CFAP97D1: variants seen among roughly 807,000 people sequenced by gnomAD.
CFAP97D1 encodes the protein CFAP97 domain containing 1.
A neutral mutation model predicts 20.5 loss-of-function variants in CFAP97D1; 15 were observed. The ratio of observed to expected loss-of-function variants is 0.73; its 90% CI spans 0.49 to 1.13. The LOEUF (loss-of-function observed/expected upper bound fraction) is 1.13. Among genes scored for constraint, CFAP97D1 ranks in the 50% most tolerant of loss-of-function variants. The probability of loss-of-function intolerance (pLI) is 0.00; values close to 1 mark genes in which losing one functional copy is unlikely to be tolerated. For synonymous variants in CFAP97D1, 58 were observed against 71.2 expected, an observed-to-expected ratio of 0.82 and a Z score of 0.93; for missense variants, 168 against 202.9, an observed-to-expected ratio of 0.83 and a Z score of 1.04.
chr17:43,781,929 CA>C (rs1567785096), intron 3 of CFAP97D1, 37 bp downstream of exon 3: 1 of 1,385,096 alleles, frequency 7.2e-7, no homozygotes, highest in Non-Finnish European at 1.0e-6. Context: ...TTTGAAAAGT[CA>C]AAATTGACTT....
chr17:43,783,186 CAG>C lies in CFAP97D1; in HGVS notation c.325_326del (p.Glu109AsnfsTer22). 1 of 1,551,560 alleles carries C rather than the reference CAG, an allele frequency of 6.4e-7. No individual in the cohort carries two copies. Among genetic ancestry groups the C allele is most frequent in the Non-Finnish European group, 8.7e-7 (1 of 1,146,914 alleles). The stretch of plus-strand genomic sequence containing the variant: ...GGGGTTTTGTGTTTTTCAGCTTAAA[CAG>C]AGAAACAAGGAACCGCGAGCTAGTG... ...WNEYFSKSLNRETRNRELVRI... is the reference protein window; with the variant it reads ...WNEYFSKSLNXETRNRELVRI... On this transcript the variant is annotated frameshift_variant, in exon 4 of 6. Coordinates refer to ENST00000449302, the MANE Select transcript of CFAP97D1 (RefSeq NM_001136483.3). LOFTEE classifies it high-confidence loss of function.
intron 2 of CFAP97D1, 27 bp from the exon 3 acceptor site, chr17:43,781,747 C>T (rs370228958): frequency 1.4e-6 from 2 of 1,409,316 alleles, no homozygotes; most frequent in Non-Finnish European, 2.0e-6. Context: ...GATGGTGTCA[C>T]CATGGTGAGG....
In CFAP97D1 at chr17:43,781,757, G is replaced by A. The variant is rs1974476933; in HGVS notation, c.196-17G>A. On this transcript the variant is annotated splice_polypyrimidine_tract_variant and intron_variant, in intron 2 of 5. Transcript: ENST00000449302. ...GCACTGATGGTGTCACCATGGTGAGGTGTGGTTTCTTACCAGGGTGAACAA... is the reference window on the plus strand; with the variant it reads ...GCACTGATGGTGTCACCATGGTGAGATGTGGTTTCTTACCAGGGTGAACAA... The A allele has an allele frequency of 6.9e-7, 1 of 1,453,922 alleles. No individual in the cohort carries two copies. The highest frequency in any genetic ancestry group is 2.0e-5 in the Admixed American group (1 of 50,852). 90.1% of individuals were successfully genotyped at this position (1,453,922 alleles called of 1,614,324 possible). A position where few individuals can be genotyped will look rare whatever the true frequency, so the allele number is the denominator to read the frequency against.
rs1974469407 is a variant in CFAP97D1, at chr17:43,781,197, T to G, written c.195+8T>G. 1 of 1,548,334 alleles carries G rather than the reference T, an allele frequency of 6.5e-7. No individual in the cohort carries two copies. The highest frequency in any genetic ancestry group is 1.4e-5 in the African/African-American group (1 of 73,122). On this transcript the variant is annotated splice_region_variant and intron_variant, in intron 2 of 5. Coordinates refer to ENST00000449302, the MANE Select transcript of CFAP97D1 (RefSeq NM_001136483.3). ...AAATTGAGCAAACTACAGGTATTTG[T>G]TCTTGCTGCTTGCAGATGTGCAGAT...
At position 43,781,152 on chromosome 17, in the gene CFAP97D1, C is replaced by A. The variant is rs766963801; in HGVS notation, c.158C>A (p.Ala53Glu). Residue 53 changes from alanine to glutamate, a missense_variant, in exon 2 of 6, where the codon GCG (alanine) becomes GAG (glutamate). Ala to Glu is a moderately radical substitution (Grantham distance 107). Transcript: ENST00000449302. Reference sequence around the variant, plus strand: ...ACTGTTGATACCAAACCTCCAGTGGCGCACACAAATCACATTTTAAAATTG... The same window carrying A: ...ACTGTTGATACCAAACCTCCAGTGGAGCACACAAATCACATTTTAAAATTG... ...KPTVDTKPPVAHTNHILKLSK... is the reference protein window; with the variant it reads ...KPTVDTKPPVEHTNHILKLSK... The A allele has an allele frequency of 1.3e-6, 2 of 1,551,400 alleles. No homozygotes were observed. Among genetic ancestry groups the A allele is most frequent in the African/African-American group, 2.7e-5 (2 of 73,022 alleles).
Position 43,783,160 on chromosome 17 carries a change from CG to C in CFAP97D1, c.315-16del. ...TGAGCATTTCCTTCTTCACCCATTT[CG>C]GGGTTTTGTGTTTTTCAGCTTAAAC... On this transcript the variant is annotated intron_variant, in intron 3 of 5. Coordinates refer to ENST00000449302, the MANE Select transcript of CFAP97D1 (RefSeq NM_001136483.3). 2 of 1,551,486 alleles carry C rather than the reference CG, an allele frequency of 1.3e-6. No homozygotes were observed. The highest frequency in any genetic ancestry group is 1.7e-6 in the Non-Finnish European group (2 of 1,146,902).
chr17:43,783,276 C>T lies in CFAP97D1; in HGVS notation c.411C>T (p.Asp137=). ...KRLVDRKPHY[D]RRASEIDWQN... ...TTGTTGATCGCAAACCCCACTATGA[C>T]CGCAGGGCATCTGAGATAGACTGGC... Residue 137 remains aspartate, a synonymous_variant, in exon 4 of 6, where the codon GAC becomes GAT. Transcript: ENST00000449302. 1.9e-6 allele frequency: 3 copies of T among 1,551,340 alleles called. No homozygotes were observed. The South Asian group carries it at 3.6e-5, about 18-fold the overall frequency.
rs1052935707 is a variant in CFAP97D1, at chr17:43,783,893, G to A, written c.495G>A (p.Ter165=). 40 of 1,547,354 alleles carry A rather than the reference G, an allele frequency of 2.6e-5. 2 individuals carry two copies. ...TTRYLLSQNE[*] ...GATATCTTCTCTCCCAAAATGAATA[G>A]GTATGTCTCTCTTACTATCAAACAC... Residue 165 remains the stop codon, a splice_region_variant and stop_retained_variant, in exon 5 of 6, where the codon TAG becomes TAA. Transcript: ENST00000449302.
rs1229555187 is a variant in CFAP97D1, at chr17:43,786,775, A to G, written c.*2393A>G. The G allele has an allele frequency of 6.6e-6, 1 of 152,216 alleles. No individual in the cohort carries two copies. Among genetic ancestry groups the G allele is most frequent in the African/African-American group, 2.4e-5 (1 of 41,452 alleles). 9.4% of individuals were successfully genotyped at this position (152,216 alleles called of 1,614,324 possible). A position where few individuals can be genotyped will look rare whatever the true frequency, so the allele number is the denominator to read the frequency against. ...TTCATGGTATTACGTAAATGGCGTC[A>G]TGCAATGTATGTTCATCCTTTTGAG... is the stretch of plus-strand genomic sequence containing the variant. On this transcript the variant is annotated 3_prime_UTR_variant, in exon 6 of 6. Transcript: ENST00000449302.
rs1237417545 is a variant in CFAP97D1, at chr17:43,784,599, T to C, written c.*217T>C. 2.0e-5 allele frequency: 3 copies of C among 152,186 alleles called. No homozygotes were observed. Among genetic ancestry groups the C allele is most frequent in the African/African-American group, 7.2e-5 (3 of 41,430 alleles). The allele number at this position is 152,186 out of a possible 1,614,324, so 9.4% of individuals were successfully genotyped here. On this transcript the variant is annotated 3_prime_UTR_variant, in exon 6 of 6. Coordinates refer to ENST00000449302, the MANE Select transcript of CFAP97D1 (RefSeq NM_001136483.3). ...GGAAAGATGCAATGAGCATTTTTAT[T>C]TGGGGCTATGAAAAGAAGTTTTAAC...
At chr17:43,783,649 T>C (rs1031932681) in intron 4 of CFAP97D1, among the ~76,000 whole-genome samples, 188 bp from the exon 5 acceptor site, 1 of 151,508 alleles carries the variant, frequency 6.6e-6, no homozygotes, top group Non-Finnish European at 1.5e-5. Context: ...CAGTATGCGG[T>C]TGGTTTGCTT....
At position 43,781,845 on chromosome 17, in the gene CFAP97D1, T is replaced by C. The variant is rs957082739; in HGVS notation, c.267T>C (p.His89=). 1 of 1,551,426 alleles carries C rather than the reference T, an allele frequency of 6.4e-7. No individual in the cohort carries two copies. Among genetic ancestry groups the C allele is most frequent in the African/African-American group, 1.4e-5 (1 of 73,046 alleles). Residue 89 remains histidine (H), a synonymous_variant, in exon 3 of 6, where the codon CAT becomes CAC. Transcript: ENST00000449302. ...KQLCQKIANA[H]RGPAKVDCWN... ...TGTGTCAGAAAATCGCAAATGCCCA[T>C]CGCGGCCCTGCCAAGGTGGATTGCT...
At chr17:43,781,273 G>A in intron 2 of CFAP97D1, 84 bp downstream of exon 2, 1 of 1,155,734 alleles carries the variant, frequency 8.7e-7, no homozygotes, top group Non-Finnish European at 1.3e-6. Context: ...ATTTCCCAGA[G>A]CCTTCTAAAT....
intron 4 of CFAP97D1, 117 bp downstream of exon 4, chr17:43,783,420 A>G (rs745499543): frequency 7.5e-7 from 1 of 1,337,370 alleles, no homozygotes; most frequent in African/African-American, 1.5e-5. Context: ...GAAATGTAAC[A>G]ATCGTTAAAA....
intron 2 of CFAP97D1, 98 bp downstream of exon 2, chr17:43,781,287 C>A: frequency 3.0e-6 from 3 of 993,920 alleles, no homozygotes; most frequent in Non-Finnish European, 3.0e-6. Flanking sequence ...TCTAAATACC[C>A]ATCTACTCAA....
At position 43,784,684 on chromosome 17, in the gene CFAP97D1, C is replaced by T. The variant is rs1319642821; in HGVS notation, c.*302C>T. On this transcript the variant is annotated 3_prime_UTR_variant, in exon 6 of 6. Coordinates refer to ENST00000449302, the MANE Select transcript of CFAP97D1 (RefSeq NM_001136483.3). Reference sequence around the variant, plus strand: ...AAAACATACACCATCATCACCATCCCGTGGAAGAAGAAAAGCTGGGGTGAG... The same window carrying T: ...AAAACATACACCATCATCACCATCCTGTGGAAGAAGAAAAGCTGGGGTGAG... The T allele has an allele frequency of 1.3e-5, 2 of 151,564 alleles. No individual in the cohort carries two copies. Among genetic ancestry groups the T allele is most frequent in the Non-Finnish European group, 2.9e-5 (2 of 67,916 alleles). 9.4% of individuals were successfully genotyped at this position (151,564 alleles called of 1,614,324 possible).
intron 5 of CFAP97D1, 44 bp downstream of exon 5, chr17:43,783,937 C>T: frequency 6.8e-7 from 1 of 1,471,396 alleles, no homozygotes; most frequent in South Asian, 1.2e-5. Flanking sequence ...CAGCTGATAC[C>T]AAAGCCCTGA....
rs949425295 is a variant in CFAP97D1, at chr17:43,786,794, T to G, written c.*2412T>G. The G allele has an allele frequency of 2.0e-5, 3 of 152,228 alleles. No homozygotes were observed. The highest frequency in any genetic ancestry group is 7.2e-5 in the African/African-American group (3 of 41,442). 9.4% of individuals were successfully genotyped at this position (152,228 alleles called of 1,614,324 possible). A position where few individuals can be genotyped will look rare whatever the true frequency, so the allele number is the denominator to read the frequency against. ...GGCGTCATGCAATGTATGTTCATCC[T>G]TTTGAGATTGGCTTTTTTCACTCAG... is the stretch of plus-strand genomic sequence containing the variant. On this transcript the variant is annotated 3_prime_UTR_variant, in exon 6 of 6. Transcript: ENST00000449302.
chr17:43,786,515 A>C lies in CFAP97D1; in HGVS notation c.*2133A>C, dbSNP rs2044293422. 1 of 152,270 alleles carries C rather than the reference A, an allele frequency of 6.6e-6. No individual in the cohort carries two copies. Among genetic ancestry groups the C allele is most frequent in the African/African-American group, 2.4e-5 (1 of 41,476 alleles). 9.4% of individuals were successfully genotyped at this position (152,270 alleles called of 1,614,324 possible). On this transcript the variant is annotated 3_prime_UTR_variant, in exon 6 of 6. Coordinates refer to ENST00000449302, the MANE Select transcript of CFAP97D1 (RefSeq NM_001136483.3). Reference sequence around the variant, plus strand: ...TCAAAACCAGGAAACTGACATTGGCATGATGCATGGAACCTATGCAGGTTT... The same window carrying C: ...TCAAAACCAGGAAACTGACATTGGCCTGATGCATGGAACCTATGCAGGTTT...
Sources: allele counts gnomAD v4.1 joint callset (sites outside exome capture counted in the v4.1 genomes callset), GRCh38; gene constraint gnomAD v4.1.1; transcripts MANE v1.5; gene names NCBI Gene and HGNC (gene_info 2026-07-23, HGNC 2026-07-21).